SLC18A1: variants seen among roughly 807,000 people sequenced by gnomAD.
The protein encoded by SLC18A1 is chromaffin granule amine transporter.
SLC18A1 carries 69 observed loss-of-function variants against 53.7 expected under a neutral mutation model. That is an observed-to-expected ratio of 1.28 (90% confidence interval 1.06 to 1.57). The LOEUF (loss-of-function observed/expected upper bound fraction) is 1.57. SLC18A1 is among the 40% of genes most tolerant of loss of function. The pLI, the probability that SLC18A1 is intolerant of heterozygous loss-of-function variation, is 0.00. For missense variants in SLC18A1, 932 were observed against 668.1 expected, an observed-to-expected ratio of 1.40 and a Z score of -4.35; for synonymous variants, 320 against 248.1, an observed-to-expected ratio of 1.29 and a Z score of -2.72.
At chr8:20,180,768 C>G in intron 2 of SLC18A1, 73 bp downstream of exon 2, 3 of 1,571,634 alleles carry the variant, frequency 1.9e-6, no homozygotes, top group Non-Finnish European at 2.6e-6. Context: ...CACTGTTGAA[C>G]TCAAGCAGGG....
At chr8:20,150,772 A>G (rs1247989851) in intron 10 of SLC18A1, 28 bp from the exon 11 acceptor site, 1 of 1,594,164 alleles carries the variant, frequency 6.3e-7, no homozygotes. Flanking sequence ...TCCTTACCTT[A>G]GGACATGTCC....
At chr8:20,150,587 T>C (rs1405538249) in intron 11 of SLC18A1, 79 bp downstream of exon 11, 2 of 1,235,170 alleles carry the variant, frequency 1.6e-6, no homozygotes, top group Admixed American at 1.7e-5. Flanking sequence ...ATGGAAGCTG[T>C]TCATCATTCC....
At chr8:20,150,988 T>C (rs1013544867) in intron 10 of SLC18A1, 1 of 465,026 alleles carries the variant, frequency 2.2e-6, no homozygotes. Context: ...CTTTCTTTTT[T>C]TGAGACAGGG....
At chr8:20,159,634 CAA>C (rs200123466) in intron 10 of SLC18A1, among the ~76,000 whole-genome samples, 108 of 81,442 alleles carry the variant, frequency 1.3e-3, no homozygotes, top group African/African-American at 3.5e-3. Flanking sequence ...TTGCAGCTGC[CAA>C]AAAAAAAAAA....
At chr8:20,159,120 C>T (rs1387517544) in intron 10 of SLC18A1, among the ~76,000 whole-genome samples, 1 of 152,108 alleles carries the variant, frequency 6.6e-6, no homozygotes, top group Admixed American at 6.5e-5. Context: ...TGACTAAGAT[C>T]TACTACAGAC....
At position 20,173,091 on chromosome 8, in the gene SLC18A1, A is replaced by T; in HGVS notation, c.669T>A (p.His223Gln). ...CAGTTCCCATGGCTCGTCCTCTCTC[A>T]TGGTCATCAGTGTAGACACTGGCCA... Reference protein sequence around the residue: ...GMLASVYTDDHERGRAMGTAL... With the variant: ...GMLASVYTDDQERGRAMGTAL... Residue 223 changes from histidine (H) to glutamine (Q), a missense_variant, in exon 6 of 16, where the codon CAT becomes CAA. By Grantham distance (24) the His-to-Gln change is conservative. Transcript: ENST00000276373. 1 of 1,581,224 alleles carries T rather than the reference A, an allele frequency of 6.3e-7. No individual in the cohort carries two copies. Among genetic ancestry groups the T allele is most frequent in the Admixed American group, 1.8e-5 (1 of 54,976 alleles).
intron 8 of SLC18A1, among the ~76,000 whole-genome samples, chr8:20,170,058 GGA>G (rs1407331596): frequency 2.0e-5 from 3 of 152,132 alleles, no homozygotes; most frequent in Non-Finnish European, 2.9e-5. Context: ...GCCAGGCCTG[GGA>G]GCCTGTGCAG....
intron 10 of SLC18A1, among the ~76,000 whole-genome samples, chr8:20,161,201 G>A (rs1425434826): frequency 2.6e-5 from 4 of 152,150 alleles, no homozygotes; most frequent in Non-Finnish European, 5.9e-5. Flanking sequence ...GTCTAAATTA[G>A]TTATGGGTGA....
chr8:20,174,052 A>G (rs1174171468), intron 5 of SLC18A1, among the ~76,000 whole-genome samples: 2 of 151,968 alleles, frequency 1.3e-5, no homozygotes, highest in African/African-American at 4.8e-5. Flanking sequence ...GCACACCACC[A>G]TGCCTGGCTA....
At chr8:20,168,038 C>A (rs955782647) in intron 8 of SLC18A1, among the ~76,000 whole-genome samples, 2 of 151,906 alleles carry the variant, frequency 1.3e-5, no homozygotes, top group East Asian at 3.8e-4. Context: ...ATTTTTGTAT[C>A]GAAAAGTAAA....
intron 5 of SLC18A1, among the ~76,000 whole-genome samples, chr8:20,173,876 G>C (rs1295680109): frequency 6.7e-6 from 1 of 150,178 alleles, no homozygotes; most frequent in East Asian, 2.0e-4. Flanking sequence ...GACCCTGTTA[G>C]AAACTCTGTA....
At chr8:20,155,637 G>A (rs892965245) in intron 10 of SLC18A1, among the ~76,000 whole-genome samples, 4 of 152,164 alleles carry the variant, frequency 2.6e-5, no homozygotes, top group African/African-American at 9.7e-5. Context: ...TTCCAACCAT[G>A]ACTTTCTTGA....
At chr8:20,174,124 G>A (rs114083157) in intron 5 of SLC18A1, among the ~76,000 whole-genome samples, 1 of 151,858 alleles carries the variant, frequency 6.6e-6, no homozygotes, top group Non-Finnish European at 1.5e-5. Flanking sequence ...GGCTGCCCGG[G>A]TTGGTCTCAG....
chr8:20,158,649 C>T (rs1452685941), intron 10 of SLC18A1, among the ~76,000 whole-genome samples: 3 of 152,094 alleles, frequency 2.0e-5, no homozygotes, highest in Admixed American at 6.5e-5. Flanking sequence ...ATGCAACAGC[C>T]CCTGCAGTAC....
rs1156842822 is a variant in SLC18A1 at position 20,180,876 on chromosome 8, G to T, written c.89C>A (p.Ala30Asp). The change falls in exon 2 of 16, where the codon GCT (alanine) becomes GAT (aspartate). Residue 30 changes from alanine (A) to aspartate (D), a missense_variant. Physicochemically the swap from Ala to Asp is moderately radical, Grantham distance 126. Coordinates refer to ENST00000276373, the MANE Select transcript of SLC18A1 (RefSeq NM_003053.4). ...RQLVLVVVFV[A>D]LLLDNMLFTV... ...AAACAGCATGTTGTCCAGGAGCAAAGCGACGAATACCACCACCAGCACCAG... is the reference window on the plus strand; with the variant it reads ...AAACAGCATGTTGTCCAGGAGCAAATCGACGAATACCACCACCAGCACCAG... 1.2e-6 allele frequency: 2 copies of T among 1,614,056 alleles called. No individual in the cohort carries two copies. The highest frequency in any genetic ancestry group is 8.5e-7 in the Non-Finnish European group (1 of 1,179,968).
At chr8:20,159,320 G>T (rs1169026281) in intron 10 of SLC18A1, among the ~76,000 whole-genome samples, 21 of 152,162 alleles carry the variant, frequency 1.4e-4, no homozygotes, top group Admixed American at 1.4e-3. Context: ...GACAGGACTA[G>T]CTGGATTTCC....
intron 4 of SLC18A1, among the ~76,000 whole-genome samples, chr8:20,178,152 C>A (rs911473577): frequency 2.2e-5 from 2 of 92,880 alleles, no homozygotes; most frequent in African/African-American, 3.8e-5. Flanking sequence ...ACACACACAC[C>A]CCGTAGCATA....
chr8:20,172,387 T>C (rs533319804), intron 6 of SLC18A1, among the ~76,000 whole-genome samples: 2 of 152,328 alleles, frequency 1.3e-5, no homozygotes, highest in African/African-American at 4.8e-5. Flanking sequence ...TGTTTTGTTT[T>C]CGATGAGCTT....
Position 20,171,509 on chromosome 8 carries a change from G to A in SLC18A1, c.725-15C>T. On this transcript the variant is annotated splice_polypyrimidine_tract_variant and intron_variant, in intron 6 of 15. Transcript: ENST00000276373. ...GGGAGCTCCCACTGGAGAGGCATAG[G>A]AGACACAGATTCCAGAGGTGAGGGT... 1 of 1,601,516 alleles carries A rather than the reference G, an allele frequency of 6.2e-7. No individual in the cohort carries two copies. Among genetic ancestry groups the A allele is most frequent in the Non-Finnish European group, 8.6e-7 (1 of 1,168,678 alleles).
Sources: allele counts gnomAD v4.1 joint callset (sites outside exome capture counted in the v4.1 genomes callset), GRCh38; gene constraint gnomAD v4.1.1; transcripts MANE v1.5; gene names NCBI Gene and HGNC (gene_info 2026-07-23, HGNC 2026-07-21).